The following KCNH5 variants were observed in gnomAD, a reference collection of about 807,000 sequenced individuals.
KCNH5 encodes voltage-gated delayed rectifier potassium channel KCNH5.
In KCNH5, 46 loss-of-function variants were observed where a neutral mutation model predicts 96.1. The observed-to-expected ratio is 0.48, with a 90% CI of 0.38 to 0.61. The LOEUF is 0.61. Ranked by LOEUF, KCNH5 falls within the 20% of genes least tolerant of loss-of-function variation. KCNH5 has a pLI of 0.00. For missense variants in KCNH5, 907 were observed against 1,225.8 expected (o/e 0.74, Z 3.88); for synonymous variants, 439 against 449.8 (o/e 0.98, Z 0.30).
At chr14:62,814,782 C>CAAAAAGAAAAAAA (rs772584111) in intron 8 of KCNH5, among the ~76,000 whole-genome samples, 1 of 33,750 alleles carries the variant, frequency 3.0e-5, no homozygotes, top group African/African-American at 1.5e-4. Flanking sequence ...GACTCCATCT[C>CAAAAAGAAAAAAA]AAAAAAAAAA....
chr14:62,856,477 A>G (rs532832915), intron 7 of KCNH5, among the ~76,000 whole-genome samples: 178 of 152,278 alleles, frequency 1.2e-3, no homozygotes, highest in Non-Finnish European at 1.7e-3. Flanking sequence ...TCCAACCATC[A>G]TTTTCTACTT....
chr14:62,893,657 A>T (rs959638955), intron 7 of KCNH5, among the ~76,000 whole-genome samples: 2 of 152,104 alleles, frequency 1.3e-5, no homozygotes, highest in South Asian at 4.1e-4. Context: ...TTGGGAGGCT[A>T]AGGCAAGAGA....
chr14:62,756,381 C>T (rs1193353454), intron 10 of KCNH5, among the ~76,000 whole-genome samples: 1 of 151,846 alleles, frequency 6.6e-6, no homozygotes, highest in Admixed American at 6.6e-5. Flanking sequence ...TACTGAAAGC[C>T]ATCTATGGAT....
intron 6 of KCNH5, among the ~76,000 whole-genome samples, chr14:62,969,757 A>AT (rs779644836): frequency 0.15 from 16,642 of 113,862 alleles, 1,277 homozygotes; most frequent in East Asian, 0.33. Context: ...AATAAAATTA[A>AT]TTTTTTTTTT....
At chr14:62,736,518 A>T (rs1379673727) in intron 10 of KCNH5, among the ~76,000 whole-genome samples, 4 of 152,078 alleles carry the variant, frequency 2.6e-5, no homozygotes, top group Non-Finnish European at 5.9e-5. Flanking sequence ...CAGACAAAAG[A>T]CATGCCGGCC....
intron 7 of KCNH5, among the ~76,000 whole-genome samples, chr14:62,860,247 C>T (rs1185806349): frequency 4.6e-5 from 7 of 152,160 alleles, no homozygotes; most frequent in African/African-American, 1.4e-4. Flanking sequence ...TAGAGGCCTC[C>T]ACTGTGATTC....
At chr14:62,850,753 C>T (rs1382890715) in intron 7 of KCNH5, among the ~76,000 whole-genome samples, 10 of 152,078 alleles carry the variant, frequency 6.6e-5, no homozygotes, top group Non-Finnish European at 1.2e-4. Flanking sequence ...GCACACTACC[C>T]GCAACTTCCC....
chr14:62,918,632 C>G (rs1051040577), intron 7 of KCNH5, among the ~76,000 whole-genome samples: 1 of 151,994 alleles, frequency 6.6e-6, no homozygotes. Flanking sequence ...ATACATTCAA[C>G]CTCACTAATC....
chr14:63,008,843 T>C (rs1400027067), intron 2 of KCNH5, among the ~76,000 whole-genome samples: 1 of 152,156 alleles, frequency 6.6e-6, no homozygotes, highest in East Asian at 1.9e-4. Flanking sequence ...ATTATTCAGC[T>C]AAAGAACATA....
At chr14:62,845,993 T>C (rs930986311) in intron 8 of KCNH5, among the ~76,000 whole-genome samples, 3 of 152,132 alleles carry the variant, frequency 2.0e-5, no homozygotes, top group Admixed American at 6.5e-5. Flanking sequence ...TTTAAAATAT[T>C]ATCTTATTCA....
intron 6 of KCNH5, among the ~76,000 whole-genome samples, chr14:62,953,013 T>C (rs535099144): frequency 1.2e-4 from 18 of 151,986 alleles, no homozygotes; most frequent in African/African-American, 3.9e-4. Context: ...ATATAAAATA[T>C]CAGTTTTATA....
chr14:62,829,633 A>G (rs1486829736), intron 8 of KCNH5, among the ~76,000 whole-genome samples: 1 of 152,242 alleles, frequency 6.6e-6, no homozygotes, highest in Non-Finnish European at 1.5e-5. Flanking sequence ...GAGGCTGCAC[A>G]GAGCAGCAGA....
At chr14:62,942,566 A>G (rs1223789844) in intron 7 of KCNH5, among the ~76,000 whole-genome samples, 1 of 152,178 alleles carries the variant, frequency 6.6e-6, no homozygotes, top group Admixed American at 6.6e-5. Flanking sequence ...ACCAGTGTGC[A>G]ACTAAATGCT....
intron 10 of KCNH5, among the ~76,000 whole-genome samples, chr14:62,751,016 C>G (rs1952686083): frequency 6.6e-6 from 1 of 151,982 alleles, no homozygotes; most frequent in Admixed American, 6.6e-5. Context: ...TAAGAATGAT[C>G]TAGGGTGCCT....
intron 7 of KCNH5, among the ~76,000 whole-genome samples, chr14:62,888,664 T>G (rs1888645168): frequency 6.6e-6 from 1 of 152,214 alleles, no homozygotes; most frequent in African/African-American, 2.4e-5. Flanking sequence ...GCAGGAATAG[T>G]GTCACCAGAT....
intron 7 of KCNH5, among the ~76,000 whole-genome samples, chr14:62,881,902 T>C (rs1888500258): frequency 1.3e-5 from 2 of 152,074 alleles, no homozygotes; most frequent in African/African-American, 4.8e-5. Flanking sequence ...ACTTTGATGG[T>C]CCACTATATG....
At chr14:62,967,663 G>A (rs1390886545) in intron 6 of KCNH5, among the ~76,000 whole-genome samples, 1 of 152,088 alleles carries the variant, frequency 6.6e-6, no homozygotes, top group Non-Finnish European at 1.5e-5. Context: ...ATGAAGTAGG[G>A]ATGAACTCCA....
chr14:62,814,832 A>G (rs1334082305), intron 8 of KCNH5, among the ~76,000 whole-genome samples: 2 of 149,200 alleles, frequency 1.3e-5, no homozygotes, highest in African/African-American at 4.9e-5. Context: ...CTTCATACGA[A>G]GTGGGAGTGA....
intron 7 of KCNH5, among the ~76,000 whole-genome samples, chr14:62,930,036 A>G (rs1427746502): frequency 1.3e-5 from 2 of 152,058 alleles, no homozygotes; most frequent in Non-Finnish European, 2.9e-5. Context: ...TCCACCATCG[A>G]TGGACACCTA....
Sources: gnomAD v4.1 joint callset for allele counts (sites outside exome capture counted in the v4.1 genomes callset) on GRCh38, gnomAD v4.1.1 for gene constraint, MANE v1.5 for transcripts, NCBI Gene and HGNC (gene_info 2026-07-23, HGNC 2026-07-21) for gene names.